Variants in PARD3B observed in about 807,000 individuals in gnomAD.
The protein encoded by PARD3B is partitioning defective 3 homolog B.
In PARD3B, 103 loss-of-function variants were observed where a neutral mutation model predicts 130.2. The ratio of observed to expected loss-of-function variants is 0.79; its 90% confidence interval spans 0.67 to 0.93. PARD3B has a LOEUF of 0.93. Ranked by LOEUF, PARD3B falls within the 40% of genes least tolerant of loss-of-function variation. The pLI, the probability that PARD3B is intolerant of heterozygous loss-of-function variation, is 0.00. For missense variants in PARD3B, 1,609 were observed against 1,499.2 expected (o/e 1.07, Z -1.21); for synonymous variants, 583 against 553.2 (o/e 1.05, Z -0.76).
intron 1 of PARD3B, among the ~76,000 whole-genome samples, chr2:204,561,522 A>G (rs926662708): frequency 2.0e-5 from 3 of 151,642 alleles, no homozygotes; most frequent in Admixed American, 6.6e-5. Context: ...CATTCCTGCC[A>G]GGTCACTGTG....
chr2:205,386,525 G>C (rs1256743639), intron 18 of PARD3B, among the ~76,000 whole-genome samples: 1 of 152,110 alleles, frequency 6.6e-6, no homozygotes, highest in Non-Finnish European at 1.5e-5. Flanking sequence ...AAGTTATCCA[G>C]TCTGCAGGTT....
chr2:205,451,745 C>A (rs1246324710), intron 20 of PARD3B, among the ~76,000 whole-genome samples: 1 of 151,172 alleles, frequency 6.6e-6, no homozygotes, highest in Non-Finnish European at 1.5e-5. Context: ...TTGATACAGG[C>A]ATACAATGCA....
At chr2:204,933,045 G>A (rs1273717153) in intron 2 of PARD3B, among the ~76,000 whole-genome samples, 1 of 152,132 alleles carries the variant, frequency 6.6e-6, no homozygotes, top group Admixed American at 6.5e-5. Context: ...AGTGACCTCT[G>A]TCTCAAACCT....
intron 22 of PARD3B, among the ~76,000 whole-genome samples, chr2:205,594,011 T>C (rs1221404209): frequency 6.6e-6 from 1 of 152,038 alleles, no homozygotes; most frequent in Non-Finnish European, 1.5e-5. Flanking sequence ...CACAGATAAG[T>C]GAAGAGGCCC....
chr2:204,989,708 ATACTGAAAATTT>A (rs1237289717), intron 3 of PARD3B, among the ~76,000 whole-genome samples: 1 of 152,204 alleles, frequency 6.6e-6, no homozygotes, highest in Non-Finnish European at 1.5e-5. Flanking sequence ...AAATGGAAGT[ATACTGAAAATTT>A]TTTCTGTACC....
At chr2:204,588,477 C>T (rs543362647) in intron 1 of PARD3B, among the ~76,000 whole-genome samples, 153 of 152,254 alleles carry the variant, frequency 1.0e-3, no homozygotes, top group Non-Finnish European at 2.0e-3. Context: ...AGAAACTATT[C>T]CCCCCACTTT....
At chr2:204,630,994 T>G (rs368560587) in intron 1 of PARD3B, among the ~76,000 whole-genome samples, 1 of 152,132 alleles carries the variant, frequency 6.6e-6, no homozygotes. Context: ...TTCTGCTAGC[T>G]TTGGGGTTTG....
chr2:204,884,430 T>C (rs2046196142), intron 2 of PARD3B, among the ~76,000 whole-genome samples: 1 of 152,240 alleles, frequency 6.6e-6, no homozygotes, highest in African/African-American at 2.4e-5. Context: ...GAAAATTTCC[T>C]TTTGGAAATA....
At chr2:205,120,478 TG>T (rs1180199281) in intron 7 of PARD3B, among the ~76,000 whole-genome samples, 1 of 152,162 alleles carries the variant, frequency 6.6e-6, no homozygotes, top group Non-Finnish European at 1.5e-5. Context: ...AGATTGCAGT[TG>T]GGATTATGAT....
rs546112214 is a variant in PARD3B at position 205,488,991 on chromosome 2, A to G, written c.3045-10905A>G. ...TTATCATTTTTTAACAGAAGACACA[A>G]TGGATGCACAGTTGCAAATTGATCC... On this transcript the variant is annotated intron_variant, in intron 20 of 22. Transcript: ENST00000406610. 2.8e-4 allele frequency among the ~76,000 whole-genome samples: 43 copies of G among 152,346 alleles called. No homozygotes were observed. The South Asian group carries it at 8.9e-3, about 32-fold the overall frequency.
At chr2:204,750,792 T>C (rs1320463541) in intron 2 of PARD3B, among the ~76,000 whole-genome samples, 2 of 152,220 alleles carry the variant, frequency 1.3e-5, no homozygotes, top group South Asian at 2.1e-4. Flanking sequence ...TGTTTGACTT[T>C]CTTTAAAATT....
chr2:204,872,096 T>C (rs1373107894), intron 2 of PARD3B, among the ~76,000 whole-genome samples: 2 of 152,132 alleles, frequency 1.3e-5, no homozygotes, highest in Admixed American at 1.3e-4. Flanking sequence ...CAAAACTACA[T>C]TAAATGTGTT....
At chr2:205,399,054 A>G (rs1313760359) in intron 18 of PARD3B, among the ~76,000 whole-genome samples, 1 of 152,086 alleles carries the variant, frequency 6.6e-6, no homozygotes, top group Admixed American at 6.5e-5. Context: ...AGATCAGCTG[A>G]GTTCAGGAGT....
intron 21 of PARD3B, among the ~76,000 whole-genome samples, chr2:205,540,794 T>A (rs1314317373): frequency 6.6e-6 from 1 of 152,216 alleles, no homozygotes; most frequent in Non-Finnish European, 1.5e-5. Context: ...CAAGCATGCA[T>A]TATTCTTCAA....
At chr2:205,220,253 T>A (rs2038167432) in intron 15 of PARD3B, among the ~76,000 whole-genome samples, 1 of 152,134 alleles carries the variant, frequency 6.6e-6, no homozygotes, top group African/African-American at 2.4e-5. Context: ...TAATGTGGTT[T>A]TTGAGATTCT....
At chr2:205,060,678 A>T (rs1255155112) in intron 4 of PARD3B, among the ~76,000 whole-genome samples, 2 of 152,116 alleles carry the variant, frequency 1.3e-5, no homozygotes, top group African/African-American at 4.8e-5. Flanking sequence ...TAATAGTGAT[A>T]ATAATGAATG....
rs529757537 is a variant in PARD3B at position 204,750,736 on chromosome 2, A to G, written c.222+64454A>G. Reference sequence around the variant, plus strand: ...TTTAGTAATTTGTTTTTCTAAAGGCAGATAAATACTATCCTCCTTTCAAGT... The same window carrying G: ...TTTAGTAATTTGTTTTTCTAAAGGCGGATAAATACTATCCTCCTTTCAAGT... On this transcript the variant is annotated intron_variant, in intron 2 of 22. Transcript: ENST00000406610. Among the ~76,000 whole-genome samples the G allele has an allele frequency of 6.6e-5, 10 of 152,108 alleles. 1 individual carries two copies. Among genetic ancestry groups the G allele is most frequent in the African/African-American group, 2.2e-4 (9 of 41,358 alleles).
At chr2:205,533,604 A>G (rs750503702) in intron 21 of PARD3B, among the ~76,000 whole-genome samples, 9 of 152,348 alleles carry the variant, frequency 5.9e-5, no homozygotes, top group Non-Finnish European at 8.8e-5. Flanking sequence ...AACAGGAAAC[A>G]TAAGTGTTCA....
At chr2:204,827,163 A>C (rs1397979902) in intron 2 of PARD3B, among the ~76,000 whole-genome samples, 1 of 152,214 alleles carries the variant, frequency 6.6e-6, no homozygotes, top group Non-Finnish European at 1.5e-5. Flanking sequence ...TATTTGTGTA[A>C]AATTTGAATA....
Sources: allele counts gnomAD v4.1 joint callset (sites outside exome capture counted in the v4.1 genomes callset), GRCh38; gene constraint gnomAD v4.1.1; transcripts MANE v1.5; gene names NCBI Gene and HGNC (gene_info 2026-07-23, HGNC 2026-07-21).